Variants in SELENOI observed in about 807,000 individuals in gnomAD.
SELENOI encodes the protein ethanolaminephosphotransferase 1.
In SELENOI, 24 loss-of-function variants were observed where a neutral mutation model predicts 50.7. The ratio of observed to expected loss-of-function variants is 0.47; its 90% CI spans 0.34 to 0.67. The LOEUF is 0.67. SELENOI is among the 30% of genes least tolerant of loss of function. The pLI, the probability that SELENOI is intolerant of heterozygous loss-of-function variation, is 0.01. For missense variants in SELENOI, 352 were observed against 461.4 expected (o/e 0.76, Z 2.17); for synonymous variants, 155 against 170.2 (o/e 0.91, Z 0.70).
intron 2 of SELENOI, 96 bp from the exon 3 acceptor site, chr2:26,364,736 T>C: frequency 1.2e-6 from 1 of 810,004 alleles, no homozygotes; most frequent in Non-Finnish European, 1.9e-6. Context: ...CTTTCAAATG[T>C]ATAGCTTTTA....
rs537321024 is a variant in SELENOI at position 26,378,414 on chromosome 2, C to T, written c.682+3266C>T. On this transcript the variant is annotated intron_variant, in intron 6 of 9. Transcript: ENST00000260585. ...TCTCTTTCACTATGTTCTGTGGGGT[C>T]TCCGATTTGCTTGCTTAGTTTAGCA... 2.6e-5 allele frequency among the ~76,000 whole-genome samples: 4 copies of T among 152,296 alleles called. No homozygotes were observed. In the East Asian group the frequency reaches 7.7e-4, roughly 29 times the overall value.
At chr2:26,362,782 T>C (rs187175530) in intron 1 of SELENOI, among the ~76,000 whole-genome samples, 2 of 152,198 alleles carry the variant, frequency 1.3e-5, no homozygotes, top group Admixed American at 1.3e-4. Flanking sequence ...AGAAAAACTT[T>C]TTCAAGCGTG....
chr2:26,371,123 T>G (rs1167638306), intron 4 of SELENOI, among the ~76,000 whole-genome samples: 1 of 136,286 alleles, frequency 7.3e-6, no homozygotes, highest in African/African-American at 2.9e-5. Flanking sequence ...CCCACCTCCC[T>G]CCCGGACGGG....
chr2:26,363,861 C>T (rs11126447), intron 1 of SELENOI, among the ~76,000 whole-genome samples: 60,037 of 151,964 alleles, frequency 0.4, 13,337 homozygotes, highest in Non-Finnish European at 0.51. Context: ...TTGCCTCAGC[C>T]TCCCAAGTAG....
intron 5 of SELENOI, among the ~76,000 whole-genome samples, chr2:26,374,637 C>A (rs1407336348): frequency 1.4e-5 from 2 of 144,792 alleles, no homozygotes; most frequent in African/African-American, 5.1e-5. Flanking sequence ...GGTGTGATCT[C>A]GGCTCACCGC....
In SELENOI at chr2:26,361,857, C is replaced by T. The variant is rs549390209; in HGVS notation, c.58-2445C>T. On this transcript the variant is annotated intron_variant, in intron 1 of 9. Coordinates refer to ENST00000260585, the MANE Select transcript of SELENOI (RefSeq NM_033505.4). Reference sequence around the variant, plus strand: ...ATTTTTAGTAGACACGGAGTTTCACCGTGTCAGCCAGGCTGGTCTCGAACT... The same window carrying T: ...ATTTTTAGTAGACACGGAGTTTCACTGTGTCAGCCAGGCTGGTCTCGAACT... 2.6e-4 allele frequency among the ~76,000 whole-genome samples: 39 copies of T among 152,262 alleles called. No individual in the cohort carries two copies. In the South Asian group the frequency reaches 8.1e-3, roughly 32 times the overall value.
intron 1 of SELENOI, among the ~76,000 whole-genome samples, chr2:26,361,488 A>G (rs1189392437): frequency 6.6e-6 from 1 of 152,206 alleles, no homozygotes; most frequent in Non-Finnish European, 1.5e-5. Flanking sequence ...GTCTGTGTGT[A>G]CTGTACTTAC....
intron 6 of SELENOI, among the ~76,000 whole-genome samples, chr2:26,382,028 G>A (rs2147961124): frequency 6.6e-6 from 1 of 152,320 alleles, no homozygotes; most frequent in South Asian, 2.1e-4. Context: ...GAGTTTGAGA[G>A]AGAAAATAAT....
At chr2:26,351,445 C>A (rs1676957469) in intron 1 of SELENOI, among the ~76,000 whole-genome samples, 1 of 152,188 alleles carries the variant, frequency 6.6e-6, no homozygotes, top group East Asian at 1.9e-4. Context: ...GCACTTTCTA[C>A]CGAATGCGTG....
chr2:26,363,039 A>T (rs986792186), intron 1 of SELENOI, among the ~76,000 whole-genome samples: 7 of 152,178 alleles, frequency 4.6e-5, no homozygotes, highest in Admixed American at 1.3e-4. Flanking sequence ...TTACATTCTT[A>T]TTAAATAGCT....
chr2:26,381,263 A>T (rs1677695096), intron 6 of SELENOI, among the ~76,000 whole-genome samples: 1 of 85,750 alleles, frequency 1.2e-5, no homozygotes, highest in South Asian at 3.5e-4. Flanking sequence ...CTAGCTGTTA[A>T]GTTTCCTATA....
At chr2:26,359,134 T>C (rs183492079) in intron 1 of SELENOI, among the ~76,000 whole-genome samples, 10 of 152,368 alleles carry the variant, frequency 6.6e-5, no homozygotes, top group African/African-American at 2.2e-4. Flanking sequence ...CCAAGTGTTA[T>C]GTATTTGTTG....
chr2:26,374,476 G>A (rs1258423949), intron 5 of SELENOI, among the ~76,000 whole-genome samples: 5 of 152,022 alleles, frequency 3.3e-5, no homozygotes, highest in Non-Finnish European at 7.4e-5. Flanking sequence ...ACCAATTTAT[G>A]AGTTGCTGTT....
chr2:26,350,287 T>C (rs541246285), intron 1 of SELENOI, among the ~76,000 whole-genome samples: 10 of 152,324 alleles, frequency 6.6e-5, no homozygotes, highest in Admixed American at 2.0e-4. Context: ...TGCATCTTAA[T>C]GGTAATACTA....
chr2:26,364,539 T>C (rs1009034460), intron 2 of SELENOI, among the ~76,000 whole-genome samples, 169 bp downstream of exon 2: 7 of 152,232 alleles, frequency 4.6e-5, no homozygotes, highest in African/African-American at 1.7e-4. Context: ...TATCTTACTG[T>C]TGAAGTTTAT....
At chr2:26,365,477 C>T (rs546881774) in intron 3 of SELENOI, among the ~76,000 whole-genome samples, 1 of 152,340 alleles carries the variant, frequency 6.6e-6, no homozygotes, top group South Asian at 2.1e-4. Flanking sequence ...ATTTTATCTT[C>T]ACTCTGTTTC....
intron 3 of SELENOI, among the ~76,000 whole-genome samples, chr2:26,365,669 G>A (rs62128662): frequency 0.019 from 2,869 of 152,316 alleles, 32 homozygotes; most frequent in Middle Eastern, 0.031. Flanking sequence ...GATGTAGTCA[G>A]GAGTGTTAGT....
intron 6 of SELENOI, among the ~76,000 whole-genome samples, chr2:26,378,494 T>C (rs1393314488): frequency 6.6e-6 from 1 of 152,252 alleles, no homozygotes; most frequent in Non-Finnish European, 1.5e-5. Flanking sequence ...TCAACCCTTC[T>C]GCATCTCTCT....
intron 1 of SELENOI, among the ~76,000 whole-genome samples, chr2:26,354,450 G>A (rs1023961685): frequency 2.6e-5 from 4 of 152,006 alleles, no homozygotes; most frequent in African/African-American, 9.7e-5. Flanking sequence ...GCAGTGGTGC[G>A]ATCTCGGCTC....
Sources: gnomAD v4.1 joint callset for allele counts (sites outside exome capture counted in the v4.1 genomes callset) on GRCh38, gnomAD v4.1.1 for gene constraint, MANE v1.5 for transcripts, NCBI Gene and HGNC (gene_info 2026-07-23, HGNC 2026-07-21) for gene names.